The following MIR2052HG variants were observed in gnomAD, a reference collection of about 807,000 sequenced individuals.
The protein encoded by MIR2052HG is MIR2052 host gene.
intron 4 of MIR2052HG, among the ~76,000 whole-genome samples, chr8:74,725,785 T>C (rs1809629207): frequency 6.6e-6 from 1 of 152,182 alleles, no homozygotes. Flanking sequence ...CTCTAGATAA[T>C]ATACCTGCCT....
chr8:74,619,582 C>T (rs1422670246), intron 2 of MIR2052HG, among the ~76,000 whole-genome samples: 1 of 152,144 alleles, frequency 6.6e-6, no homozygotes. Flanking sequence ...GCACATTCTT[C>T]ACAGGGTGGC....
At chr8:74,639,223 T>C (rs1246505711) in intron 2 of MIR2052HG, among the ~76,000 whole-genome samples, 1 of 152,190 alleles carries the variant, frequency 6.6e-6, no homozygotes, top group African/African-American at 2.4e-5. Context: ...CCCATGTTTA[T>C]ATTATATTTT....
intron 2 of MIR2052HG, among the ~76,000 whole-genome samples, chr8:74,657,937 C>T (rs867611957): frequency 1.3e-5 from 2 of 152,154 alleles, no homozygotes; most frequent in African/African-American, 4.8e-5. Flanking sequence ...CACATGTTCA[C>T]TAAAATTTGA....
At chr8:74,610,543 A>C (rs1362427249) in intron 1 of MIR2052HG, among the ~76,000 whole-genome samples, 1 of 151,882 alleles carries the variant, frequency 6.6e-6, no homozygotes, top group East Asian at 1.9e-4. Context: ...AGAATAGCCA[A>C]AAAAACTCTG....
rs143975023 is a variant in MIR2052HG at position 74,639,827 on chromosome 8, C to G, written n.216+26887C>G. Among the ~76,000 whole-genome samples, 3 of 149,992 alleles carry G rather than the reference C, an allele frequency of 2.0e-5. No homozygotes were observed. In the East Asian group the frequency reaches 5.9e-4, roughly 29 times the overall value. ...TCATTAAACATACTTTTTTTTTTAT[C>G]AAAGTCCCCAGTAAGCAATAATAGA... On this transcript the variant is annotated intron_variant and non_coding_transcript_variant, in intron 2 of 6. Transcript: ENST00000523442.
At chr8:74,663,627 T>C (rs1267853786) in intron 2 of MIR2052HG, among the ~76,000 whole-genome samples, 1 of 152,238 alleles carries the variant, frequency 6.6e-6, no homozygotes, top group Non-Finnish European at 1.5e-5. Context: ...CCAATGGGGC[T>C]TCCTAACTCT....
chr8:74,601,195 A>C (rs1807995236), intron 1 of MIR2052HG, among the ~76,000 whole-genome samples: 1 of 152,192 alleles, frequency 6.6e-6, no homozygotes, highest in Admixed American at 6.5e-5. Context: ...GCAGAGGCCA[A>C]ACCTCTTATT....
At chr8:74,650,502 C>T (rs552399398) in intron 2 of MIR2052HG, among the ~76,000 whole-genome samples, 1 of 152,142 alleles carries the variant, frequency 6.6e-6, no homozygotes, top group East Asian at 1.9e-4. Context: ...GCTGCTATGG[C>T]CATTCTCATA....
chr8:74,649,801 G>T (rs1017930461), intron 2 of MIR2052HG, among the ~76,000 whole-genome samples: 1 of 151,902 alleles, frequency 6.6e-6, no homozygotes, highest in African/African-American at 2.4e-5. Flanking sequence ...TTTAAGTTCA[G>T]GTGGTTGTTG....
At chr8:74,710,017 G>T (rs575864560) in intron 4 of MIR2052HG, among the ~76,000 whole-genome samples, 1 of 152,248 alleles carries the variant, frequency 6.6e-6, no homozygotes, top group Non-Finnish European at 1.5e-5. Context: ...GGAATAGTTT[G>T]CAGCCACCCC....
intron 2 of MIR2052HG, among the ~76,000 whole-genome samples, chr8:74,684,873 A>G (rs1809163238): frequency 6.6e-6 from 1 of 152,150 alleles, no homozygotes; most frequent in African/African-American, 2.4e-5. Flanking sequence ...ATTGGAGGGA[A>G]TAATCTAAAA....
At chr8:74,684,537 T>C (rs998776092) in intron 2 of MIR2052HG, among the ~76,000 whole-genome samples, 7 of 151,970 alleles carry the variant, frequency 4.6e-5, no homozygotes, top group Non-Finnish European at 7.4e-5. Context: ...ATCACATGAG[T>C]AAGTGAATAA....
At chr8:74,675,999 A>G (rs1809047498) in intron 2 of MIR2052HG, among the ~76,000 whole-genome samples, 1 of 152,036 alleles carries the variant, frequency 6.6e-6, no homozygotes, top group Admixed American at 6.6e-5. Context: ...GAGAGGAAAA[A>G]TTCACCTGCA....
At chr8:74,670,995 G>A (rs1808985692) in intron 2 of MIR2052HG, among the ~76,000 whole-genome samples, 1 of 151,030 alleles carries the variant, frequency 6.6e-6, no homozygotes, top group African/African-American at 2.4e-5. Context: ...ATATTTCATG[G>A]ACCCCAGATT....
chr8:74,602,895 A>G (rs1448138730), intron 1 of MIR2052HG, among the ~76,000 whole-genome samples: 1 of 34,570 alleles, frequency 2.9e-5, no homozygotes, highest in Non-Finnish European at 5.3e-5. Context: ...CACAAAGAAA[A>G]AGCTCCAGTC....
At chr8:74,750,238 T>C (rs1054385179) in intron 4 of MIR2052HG, among the ~76,000 whole-genome samples, 2 of 152,240 alleles carry the variant, frequency 1.3e-5, no homozygotes, top group Non-Finnish European at 2.9e-5. Context: ...CTTTGTAAGA[T>C]ATTAAACATC....
intron 2 of MIR2052HG, among the ~76,000 whole-genome samples, chr8:74,641,847 G>A (rs1431868219): frequency 6.6e-6 from 1 of 152,136 alleles, no homozygotes; most frequent in Non-Finnish European, 1.5e-5. Context: ...ATAATATTTA[G>A]AGGGTGAACA....
chr8:74,682,226 T>A (rs957394523), intron 2 of MIR2052HG, among the ~76,000 whole-genome samples: 1 of 152,158 alleles, frequency 6.6e-6, no homozygotes, highest in Admixed American at 6.6e-5. Context: ...TAAGGGTGAC[T>A]ACCTTAATGA....
intron 2 of MIR2052HG, among the ~76,000 whole-genome samples, chr8:74,624,256 C>T (rs998348948): frequency 6.6e-6 from 1 of 152,340 alleles, no homozygotes; most frequent in South Asian, 2.1e-4. Flanking sequence ...GCATATCATT[C>T]TTTTCCACAT....
Sources: allele counts gnomAD v4.1 joint callset (sites outside exome capture counted in the v4.1 genomes callset), GRCh38; gene constraint gnomAD v4.1.1; transcripts MANE v1.5; gene names NCBI Gene and HGNC (gene_info 2026-07-23, HGNC 2026-07-21).